The following BRF1 variants were observed in gnomAD, a reference collection of about 807,000 sequenced individuals.
BRF1 encodes the protein BRF1 general transcription factor IIIB subunit, also known as transcription factor IIIB 90 kDa subunit.
Under a neutral mutation model 81.7 loss-of-function variants are expected in BRF1, and 59 were observed. The ratio of observed to expected loss-of-function variants is 0.72; its 90% CI spans 0.59 to 0.90. BRF1 has a LOEUF of 0.90. Ranked by LOEUF, BRF1 falls within the 40% of genes least tolerant of loss-of-function variation. The probability of loss-of-function intolerance (pLI) is 0.00; values close to 1 mark genes in which losing one functional copy is unlikely to be tolerated. For missense variants in BRF1, 1,050 were observed against 936.3 expected, an observed-to-expected ratio of 1.12 and a Z score of -1.58; for synonymous variants, 491 against 395.6, an observed-to-expected ratio of 1.24 and a Z score of -2.86.
intron 1 of BRF1, among the ~76,000 whole-genome samples, chr14:105,312,350 A>G (rs2140711431): frequency 6.6e-6 from 1 of 152,178 alleles, no homozygotes; most frequent in East Asian, 1.9e-4. Context: ...AATAACTCCC[A>G]CAACCTCCGG....
chr14:105,224,071 G>A (rs143677871), intron 10 of BRF1, among the ~76,000 whole-genome samples: 2 of 152,082 alleles, frequency 1.3e-5, no homozygotes, highest in East Asian at 3.9e-4. Context: ...GTCCCTTTTT[G>A]CCTTTAAAAA....
intron 6 of BRF1, among the ~76,000 whole-genome samples, chr14:105,229,272 C>A (rs982887655): frequency 2.0e-5 from 3 of 152,220 alleles, no homozygotes; most frequent in South Asian, 2.1e-4. Flanking sequence ...CCAGGCTGGG[C>A]AGGAAAGGGG....
At position 105,243,412 on chromosome 14, in the gene BRF1, T is replaced by C. The variant is rs587697732; in HGVS notation, c.545-1998A>G. Among the ~76,000 whole-genome samples, 60 of 150,310 alleles carry C rather than the reference T, an allele frequency of 4.0e-4. 1 individual carries two copies. Among genetic ancestry groups the C allele is most frequent in the Admixed American group, 3.8e-3 (58 of 15,100 alleles). ...TTATAGTGAGCCAAGATCATGCCAC[T>C]GCACTCCAGCCTGGGCGACAGAGCA... On this transcript the variant is annotated intron_variant, in intron 5 of 17. Transcript: ENST00000547530.
At chr14:105,286,989 C>T (rs756955065) in intron 1 of BRF1, among the ~76,000 whole-genome samples, 3 of 152,226 alleles carry the variant, frequency 2.0e-5, no homozygotes, top group Non-Finnish European at 4.4e-5. Flanking sequence ...CATCCACCTC[C>T]CTGCTGGACT....
At chr14:105,248,569 T>TCAGG (rs2055304307) in intron 5 of BRF1, 2 of 536,822 alleles carry the variant, frequency 3.7e-6, no homozygotes, top group African/African-American at 6.3e-5. Context: ...GGGTACGGGC[T>TCAGG]CGGGCGGGCG....
rs760527043 is a variant in BRF1, at chr14:105,241,413, G to C, written c.546C>G (p.Asp182Glu). 3 of 1,611,320 alleles carry C rather than the reference G, an allele frequency of 1.9e-6. No individual in the cohort carries two copies. The highest frequency in any genetic ancestry group is 3.3e-5 in the Admixed American group (2 of 60,010). ...CAAAGCGTGGAATATACAGGCACGG[G>C]TCTGCGGCAGACACAGCACCTCAGT... ...RELCINAPAI[D>E]PCLYIPRFAH... The change falls in exon 6 of 18, where the codon GAC (aspartate) becomes GAG (glutamate). Residue 182 changes from aspartate to glutamate, a missense_variant and splice_region_variant. Asp to Glu is a conservative substitution (Grantham distance 45, BLOSUM62 2). Around this residue, in one of 2 missense-constraint regions of BRF1, gnomAD observed 1,043 missense variants for 915.4 expected, o/e 1.14. Coordinates refer to ENST00000547530, the MANE Select transcript of BRF1 (RefSeq NM_001519.4).
chr14:105,269,946 T>C lies in BRF1; in HGVS notation c.439+2775A>G, dbSNP rs1213745008. Among the ~76,000 whole-genome samples the C allele has an allele frequency of 2.0e-5, 3 of 152,090 alleles. No homozygotes were observed. The highest frequency in any genetic ancestry group is 7.2e-5 in the African/African-American group (3 of 41,410). ...CTGCTCAGCTTCTCGCTCAGGACCT[T>C]GGTCTGCTTCTAAGAGAGCAGGATC... On this transcript the variant is annotated intron_variant, in intron 3 of 17. Transcript: ENST00000547530. The surrounding 1 kb of genome is among the most constrained non-coding windows in gnomAD (Gnocchi z 5.0).
At chr14:105,294,500 T>C (rs2057654718) in intron 1 of BRF1, among the ~76,000 whole-genome samples, 3 of 152,260 alleles carry the variant, frequency 2.0e-5, no homozygotes, top group Admixed American at 2.0e-4. Flanking sequence ...CAACTTGCTT[T>C]CATTACTGTT....
At chr14:105,254,629 G>GT (rs2055777005) in intron 4 of BRF1, among the ~76,000 whole-genome samples, 1 of 151,920 alleles carries the variant, frequency 6.6e-6, no homozygotes, top group Non-Finnish European at 1.5e-5. Context: ...TGGCGCAATC[G>GT]TGACTCACTG....
At position 105,271,923 on chromosome 14, in the gene BRF1, C is replaced by T. The variant is rs1344860313; in HGVS notation, c.439+798G>A. 0.047 allele frequency among the ~76,000 whole-genome samples: 959 copies of T among 20,372 alleles called. 23 individuals are homozygous for T. The highest frequency in any genetic ancestry group is 0.08 in the South Asian group (35 of 438). 13.4% of individuals were successfully genotyped at this position (20,372 alleles called of 152,430 possible). A position where few individuals can be genotyped will look rare whatever the true frequency, so the allele number is the denominator to read the frequency against. On this transcript the variant is annotated intron_variant, in intron 3 of 17. Transcript: ENST00000547530. The surrounding 1 kb of genome is among the most constrained non-coding windows in gnomAD (Gnocchi z 5.5). ...TGAGGGTCGGCGGCCTCCCCGCCCA[C>T]CGCCTGCAGTCACGGTGTCCACGCA...
At chr14:105,257,811 T>C (rs1422165697) in intron 3 of BRF1, among the ~76,000 whole-genome samples, 2 of 152,044 alleles carry the variant, frequency 1.3e-5, no homozygotes, top group East Asian at 3.9e-4. Flanking sequence ...ACACCCTGTG[T>C]GACTCCAAGC....
At chr14:105,252,801 G>A (rs991841131) in intron 4 of BRF1, among the ~76,000 whole-genome samples, 3 of 152,296 alleles carry the variant, frequency 2.0e-5, no homozygotes, top group Admixed American at 6.5e-5. Flanking sequence ...CTGCCGTCTC[G>A]CCAATGATGG....
chr14:105,247,740 C>G lies in BRF1; in HGVS notation c.544+4767G>C, dbSNP rs866498196. The G allele has an allele frequency of 5.5e-5, 54 of 985,482 alleles. No individual in the cohort carries two copies. The African/African-American group carries it at 9.2e-4, about 17-fold the overall frequency. The allele number at this position is 985,482 out of a possible 1,614,324, so 61.0% of individuals were successfully genotyped here. A position where few individuals can be genotyped will look rare whatever the true frequency, so the allele number is the denominator to read the frequency against. ...GCGGTCCAGGAGGTTGCGTGTGTGT[C>G]CTCGGGGAGGAACCCTCCTGACAGC... On this transcript the variant is annotated intron_variant, in intron 5 of 17. Coordinates refer to ENST00000547530, the MANE Select transcript of BRF1 (RefSeq NM_001519.4).
chr14:105,218,378 G>T (rs1247251665), intron 14 of BRF1, among the ~76,000 whole-genome samples: 1 of 152,178 alleles, frequency 6.6e-6, no homozygotes, highest in Non-Finnish European at 1.5e-5. Context: ...GCTGGGTGGG[G>T]TGGAGTCCCT....
At position 105,209,876 on chromosome 14, in the gene BRF1, C is replaced by A. The variant is rs1358615565; in HGVS notation, c.*675G>T. 3 of 452,146 alleles carry A rather than the reference C, an allele frequency of 6.6e-6. No homozygotes were observed. The highest frequency in any genetic ancestry group is 2.0e-5 in the African/African-American group (1 of 48,988). The allele number at this position is 452,146 out of a possible 1,614,324, so 28.0% of individuals were successfully genotyped here. On this transcript the variant is annotated 3_prime_UTR_variant, in exon 18 of 18. Transcript: ENST00000547530. The stretch of plus-strand genomic sequence containing the variant: ...AAGTGGCCCTGGAGCAGGGGTCTGA[C>A]CCCCATGCTGCTCCAGGCGGTGCAG...
chr14:105,252,467 C>T (rs1441718810), intron 5 of BRF1, 40 bp downstream of exon 5: 3 of 1,605,290 alleles, frequency 1.9e-6, no homozygotes, highest in Non-Finnish European at 2.6e-6. Context: ...GTCCCTACAG[C>T]AGCCTGCCGG....
intron 5 of BRF1, chr14:105,248,653 G>T: frequency 1.0e-6 from 1 of 980,826 alleles, no homozygotes; most frequent in African/African-American, 1.8e-5. Flanking sequence ...AGGGTCGCAG[G>T]GGCGGGGGTG....
intron 3 of BRF1, among the ~76,000 whole-genome samples, chr14:105,267,296 C>G (rs2056460188): frequency 6.6e-6 from 1 of 152,074 alleles, no homozygotes; most frequent in Non-Finnish European, 1.5e-5. Context: ...TTTCGGAAGT[C>G]TGAAATGGCA....
intron 3 of BRF1, among the ~76,000 whole-genome samples, chr14:105,268,168 A>G (rs746497773): frequency 1.3e-5 from 2 of 152,260 alleles, no homozygotes; most frequent in African/African-American, 4.8e-5. Flanking sequence ...AACAAATGTC[A>G]AAGACCCACA....
Sources: gnomAD v4.1 joint callset for allele counts (sites outside exome capture counted in the v4.1 genomes callset) on GRCh38, gnomAD v4.1.1 for gene constraint, gnomAD v4.1.1 regional missense constraint, Gnocchi (gnomAD v3.1) non-coding constraint, MANE v1.5 for transcripts, NCBI Gene and HGNC (gene_info 2026-07-23, HGNC 2026-07-21) for gene names.